Variants in EHD2 observed in about 807,000 individuals in gnomAD.
EHD2 encodes the protein EH domain containing 2, also known as EH domain-containing protein 2.
A neutral mutation model predicts 41.0 loss-of-function variants in EHD2; 27 were observed. The observed-to-expected ratio is 0.66, with a 90% CI of 0.49 to 0.91. EHD2 has a LOEUF of 0.91. Among genes scored for constraint, EHD2 ranks in the 40% least tolerant of loss-of-function variants. EHD2 has a pLI of 0.00. For synonymous variants in EHD2, 342 were observed against 341.0 expected (o/e 1.00, Z -0.03); for missense variants, 673 against 773.9 (o/e 0.87, Z 1.55).
Position 47,726,184 on chromosome 19 carries a change from G to A in EHD2, c.875G>A (p.Arg292His), listed in dbSNP as rs1973750347. Reference sequence around the variant, plus strand: ...GGCCTGCCCCGGCACGCAGCCTTGCGCAAGCTCAACGACCTGGTGAAGAGG... The same window carrying A: ...GGCCTGCCCCGGCACGCAGCCTTGCACAAGCTCAACGACCTGGTGAAGAGG... ...IQGLPRHAAL[R>H]KLNDLVKRAR... is the part of the protein sequence containing the mutation. Residue 292 changes from arginine (R) to histidine (H), a missense_variant, in exon 4 of 6, where the codon CGC (arginine) becomes CAC (histidine). Transcript: ENST00000263277. The A allele has an allele frequency of 1.9e-6, 3 of 1,560,594 alleles. No homozygotes were observed. The highest frequency in any genetic ancestry group is 2.6e-6 in the Non-Finnish European group (3 of 1,153,982).
chr19:47,725,100 G>T (rs1430389838), intron 3 of EHD2, among the ~76,000 whole-genome samples: 1 of 151,922 alleles, frequency 6.6e-6, no homozygotes, highest in African/African-American at 2.4e-5. Flanking sequence ...ACAGGTCCTG[G>T]GGAGGAGCTG....
chr19:47,741,339 C>A lies in EHD2; in HGVS notation c.1539C>A (p.Ile513=). The part of the protein sequence containing the change: ...DEEFALASHL[I]EAKLEGHGLP... ...AGTTCGCGCTGGCCAGCCACCTCAT[C>A]GAGGCCAAGCTGGAAGGCCACGGGC... The change falls in exon 6 of 6, where the codon ATC becomes ATA. Residue 513 remains isoleucine (I), a synonymous_variant. Coordinates refer to ENST00000263277, the MANE Select transcript of EHD2 (RefSeq NM_014601.4). The surrounding 1 kb of genome is among the most constrained non-coding windows in gnomAD (Gnocchi z 4.5). 1 of 1,612,228 alleles carries A rather than the reference C, an allele frequency of 6.2e-7. No individual in the cohort carries two copies. The highest frequency in any genetic ancestry group is 8.5e-7 in the Non-Finnish European group (1 of 1,179,806).
chr19:47,734,203 C>T lies in EHD2; in HGVS notation c.916-2166C>T, dbSNP rs962645196. ...GCAGGGGAGAGGCTGGGCGTAGTAGCGGGTGCCTGTAGTCCCAGCTACTCA... is the reference window on the plus strand; with the variant it reads ...GCAGGGGAGAGGCTGGGCGTAGTAGTGGGTGCCTGTAGTCCCAGCTACTCA... On this transcript the variant is annotated intron_variant, in intron 4 of 5. Transcript: ENST00000263277. 6.6e-5 allele frequency among the ~76,000 whole-genome samples: 10 copies of T among 151,930 alleles called. No individual in the cohort carries two copies. In the East Asian group the frequency reaches 9.7e-4, roughly 15 times the overall value.
At position 47,733,669 on chromosome 19, in the gene EHD2, A is replaced by AAAATAAAT. The variant is rs144493627; in HGVS notation, c.916-2680_916-2673dup. Among the ~76,000 whole-genome samples, 192 of 147,986 alleles carry AAAATAAAT rather than the reference A, an allele frequency of 1.3e-3. 1 individual carries two copies. The highest frequency in any genetic ancestry group is 2.3e-3 in the Non-Finnish European group (153 of 67,016). ...GCGGCAGAGTGAGACTCTGTCTCAA[A>AAAATAAAT]AAATAAATAAATAAATAAATAAATA... On this transcript the variant is annotated intron_variant, in intron 4 of 5. Coordinates refer to ENST00000263277, the MANE Select transcript of EHD2 (RefSeq NM_014601.4).
In EHD2 at chr19:47,736,538, G is replaced by C; in HGVS notation, c.1080+5G>C. On this transcript the variant is annotated splice_donor_5th_base_variant and intron_variant, in intron 5 of 5. Transcript: ENST00000263277. ...CCTGATTGCCAGAAAATGCAGGTGGGAAGCTGCCCAGGAGGGAATGTTGGG... is the reference window on the plus strand; with the variant it reads ...CCTGATTGCCAGAAAATGCAGGTGGCAAGCTGCCCAGGAGGGAATGTTGGG... The C allele has an allele frequency of 6.3e-7, 1 of 1,587,158 alleles. No individual in the cohort carries two copies. The highest frequency in any genetic ancestry group is 1.1e-5 in the South Asian group (1 of 87,120).
chr19:47,724,179 A>G (rs28448341), intron 3 of EHD2, among the ~76,000 whole-genome samples: 5,159 of 151,858 alleles, frequency 0.034, 305 homozygotes, highest in African/African-American at 0.12. Context: ...CCCAGGCTCA[A>G]GCGATTCTCG....
chr19:47,715,509 G>A (rs1973616331), intron 1 of EHD2, among the ~76,000 whole-genome samples: 1 of 152,098 alleles, frequency 6.6e-6, no homozygotes, highest in African/African-American at 2.4e-5. Context: ...TCCTTACTGG[G>A]GGCCCTGGGT....
intron 5 of EHD2, among the ~76,000 whole-genome samples, chr19:47,739,597 CA>C (rs869157023): frequency 0.17 from 10,409 of 60,728 alleles, 1,228 homozygotes; most frequent in African/African-American, 0.43. Flanking sequence ...CGAAACTCGT[CA>C]AAAAAAAAAA....
chr19:47,741,057 G>C lies in EHD2; in HGVS notation c.1257G>C (p.Met419Ile). 6 of 1,609,528 alleles carry C rather than the reference G, an allele frequency of 3.7e-6. No individual in the cohort carries two copies. In the East Asian group the frequency reaches 1.3e-4, roughly 36 times the overall value. Residue 419 changes from methionine to isoleucine, a missense_variant, in exon 6 of 6, where the codon ATG (methionine) becomes ATC (isoleucine). Physicochemically the swap from Met to Ile is conservative, Grantham distance 10. Transcript: ENST00000263277. This position sits in a 1 kb window ranked among gnomAD's most constrained non-coding sequence, Gnocchi z 4.5. ...VQGGAFEGTHMGPFVERGPDE... is the reference protein window; with the variant it reads ...VQGGAFEGTHIGPFVERGPDE... Reference sequence around the variant, plus strand: ...GGGGCGCTTTTGAGGGCACCCACATGGGCCCGTTTGTGGAGCGGGGACCTG... The same window carrying C: ...GGGGCGCTTTTGAGGGCACCCACATCGGCCCGTTTGTGGAGCGGGGACCTG...
Position 47,724,118 on chromosome 19 carries a change from G to A in EHD2, c.503-1694G>A, listed in dbSNP as rs555617894. Among the ~76,000 whole-genome samples the A allele has an allele frequency of 5.7e-4, 81 of 142,250 alleles. 1 individual carries two copies. Among genetic ancestry groups the A allele is most frequent in the Non-Finnish European group, 8.3e-4 (55 of 66,008 alleles). The allele number at this position is 142,250 out of a possible 152,430, so 93.3% of individuals were successfully genotyped here. On this transcript the variant is annotated intron_variant, in intron 3 of 5. Transcript: ENST00000263277. ...TTTTGAGACAGAGTCTCACTCTGTC[G>A]CCCAGACTGGAGTGCAGTGATGCTA...
chr19:47,720,042 G>A (rs1389493839), intron 3 of EHD2, among the ~76,000 whole-genome samples: 1 of 151,786 alleles, frequency 6.6e-6, no homozygotes, highest in East Asian at 1.9e-4. Flanking sequence ...ACGCATTTGT[G>A]TATAGCAGTG....
rs1466089551 is a variant in EHD2 at position 47,719,587 on chromosome 19, T to C, written c.502+981T>C. Among the ~76,000 whole-genome samples the C allele has an allele frequency of 6.6e-6, 1 of 151,788 alleles. No individual in the cohort carries two copies. The highest frequency in any genetic ancestry group is 2.4e-5 in the African/African-American group (1 of 41,356). ...AGAACTGGGGCAAAGGAGGCTGCTATGTGGGGCAGAGAGGATGGGAGGCCC... is the reference window on the plus strand; with the variant it reads ...AGAACTGGGGCAAAGGAGGCTGCTACGTGGGGCAGAGAGGATGGGAGGCCC... On this transcript the variant is annotated intron_variant, in intron 3 of 5. Coordinates refer to ENST00000263277, the MANE Select transcript of EHD2 (RefSeq NM_014601.4). The surrounding 1 kb of genome is among the most constrained non-coding windows in gnomAD (Gnocchi z 4.1).
chr19:47,717,027 C>T lies in EHD2; in HGVS notation c.404+11C>T, dbSNP rs116869026. 3.9e-5 allele frequency: 63 copies of T among 1,599,076 alleles called. No homozygotes were observed. The highest frequency in any genetic ancestry group is 3.6e-4 in the East Asian group (16 of 44,854). ...CACCTTCCTCAACAGGTGTGCCAGCCGCGAGCCCAGGGCGCATCTTTCTTT... is the reference window on the plus strand; with the variant it reads ...CACCTTCCTCAACAGGTGTGCCAGCTGCGAGCCCAGGGCGCATCTTTCTTT... On this transcript the variant is annotated intron_variant, in intron 2 of 5. Coordinates refer to ENST00000263277, the MANE Select transcript of EHD2 (RefSeq NM_014601.4).
chr19:47,718,135 A>T (rs2974234), intron 2 of EHD2, among the ~76,000 whole-genome samples: 78,310 of 149,714 alleles, frequency 0.52, 22,207 homozygotes, highest in African/African-American at 0.75. Context: ...TAGCTGGGTG[A>T]GGTGGTGCCC....
chr19:47,731,279 A>AATATATATAT (rs1172889255), intron 4 of EHD2: 17 of 60,936 alleles, frequency 2.8e-4, no homozygotes, highest in African/African-American at 7.3e-4. Flanking sequence ...AAAAAAAAAA[A>AATATATATAT]ATATATATAT....
At position 47,718,576 on chromosome 19, in the gene EHD2, C is replaced by T. The variant is rs1973655940; in HGVS notation, c.472C>T (p.Leu158=). ...CAGCATCATCGACACCCCGGGTATCCTGTCGGGTGCCAAGCAGAGAGTGAG... is the reference window on the plus strand; with the variant it reads ...CAGCATCATCGACACCCCGGGTATCTTGTCGGGTGCCAAGCAGAGAGTGAG... ...SISIIDTPGI[L]SGAKQRVSRG... The change falls in exon 3 of 6, where the codon CTG becomes TTG. Residue 158 remains leucine (L), a synonymous_variant. Transcript: ENST00000263277. 4 of 1,577,334 alleles carry T rather than the reference C, an allele frequency of 2.5e-6. No homozygotes were observed. Among genetic ancestry groups the T allele is most frequent in the Non-Finnish European group, 3.4e-6 (4 of 1,161,220 alleles).
chr19:47,727,374 G>A (rs1156320656), intron 4 of EHD2, among the ~76,000 whole-genome samples: 3 of 152,136 alleles, frequency 2.0e-5, no homozygotes, highest in East Asian at 1.9e-4. Flanking sequence ...TGGGATTATA[G>A]GCGTGAGCCA....
chr19:47,737,470 A>G (rs1309852965), intron 5 of EHD2, among the ~76,000 whole-genome samples: 1 of 151,442 alleles, frequency 6.6e-6, no homozygotes, highest in African/African-American at 2.4e-5. Flanking sequence ...CAGCCTGGCC[A>G]ACATGGTGAA....
chr19:47,726,051 G>A lies in EHD2; in HGVS notation c.742G>A (p.Glu248Lys). ...WALGKVVGTP[E>K]VLRVYIGSFW... ...GCTGGGCAAGGTGGTGGGCACGCCC[G>A]AGGTGCTGCGCGTCTACATCGGCTC... The change falls in exon 4 of 6, where the codon GAG (glutamate) becomes AAG (lysine). Residue 248 changes from glutamate (E) to lysine (K), a missense_variant. By Grantham distance (56) the Glu-to-Lys change is moderately conservative (BLOSUM62 1). Coordinates refer to ENST00000263277, the MANE Select transcript of EHD2 (RefSeq NM_014601.4). 4 of 1,588,244 alleles carry A rather than the reference G, an allele frequency of 2.5e-6. No homozygotes were observed. The highest frequency in any genetic ancestry group is 3.4e-6 in the Non-Finnish European group (4 of 1,167,534).
Sources: allele counts gnomAD v4.1 joint callset (sites outside exome capture counted in the v4.1 genomes callset), GRCh38; gene constraint gnomAD v4.1.1; non-coding constraint Gnocchi (gnomAD v3.1); transcripts MANE v1.5; gene names NCBI Gene and HGNC (gene_info 2026-07-23, HGNC 2026-07-21).